Variants in TRDMT1 observed in about 807,000 individuals in gnomAD.
The protein encoded by TRDMT1 is tRNA (cytosine(38)-C(5))-methyltransferase.
In TRDMT1, 49 loss-of-function variants were observed where a neutral mutation model predicts 51.2. That is an observed-to-expected ratio of 0.96 (90% CI 0.76 to 1.21). TRDMT1 has a LOEUF of 1.21. TRDMT1 is among the 50% of genes most tolerant of loss of function. TRDMT1 has a pLI of 0.00. For synonymous variants in TRDMT1, 187 were observed against 164.6 expected (o/e 1.14, Z -1.04); for missense variants, 534 against 462.3 (o/e 1.16, Z -1.42).
At chr10:17,179,807 A>G (rs1471018017) in intron 1 of TRDMT1, among the ~76,000 whole-genome samples, 1 of 151,850 alleles carries the variant, frequency 6.6e-6, no homozygotes, top group Non-Finnish European at 1.5e-5. Context: ...TAATCCCAAG[A>G]GACTAGCATT....
intron 3 of TRDMT1, 81 bp downstream of exon 3, chr10:17,168,760 T>C (rs1841560293): frequency 6.1e-6 from 6 of 978,050 alleles, no homozygotes; most frequent in Non-Finnish European, 9.2e-6. Flanking sequence ...CTTTCTTTTG[T>C]AAATTGCCCA....
At chr10:17,198,537 A>G (rs1297656936) in intron 1 of TRDMT1, among the ~76,000 whole-genome samples, 1 of 152,250 alleles carries the variant, frequency 6.6e-6, no homozygotes, top group African/African-American at 2.4e-5. Flanking sequence ...TCTAAGTGAA[A>G]TAAGCCAGAC....
chr10:17,153,769 A>C, intron 9 of TRDMT1, 133 bp from the exon 10 acceptor site: 1 of 850,682 alleles, frequency 1.2e-6, no homozygotes, highest in Non-Finnish European at 1.8e-6. Context: ...ACAGGGCAAA[A>C]TGGCTCTGTG....
Position 17,144,132 on chromosome 10 carries a change from T to G in TRDMT1, c.*4908A>C, listed in dbSNP as rs1215610244. ...GAGACCTGAGGACGGAACCTTCAGA[T>G]AAGTCAGCTCCAAGCCTCTGCTCTT... is the stretch of plus-strand genomic sequence containing the variant. On this transcript the variant is annotated 3_prime_UTR_variant, in exon 11 of 11. Transcript: ENST00000377799. 2 of 985,366 alleles carry G rather than the reference T, an allele frequency of 2.0e-6. No homozygotes were observed. The highest frequency in any genetic ancestry group is 2.4e-6 in the Non-Finnish European group (2 of 829,934). The allele number at this position is 985,366 out of a possible 1,614,324, so 61.0% of individuals were successfully genotyped here.
chr10:17,169,270 G>A (rs935605472), intron 2 of TRDMT1: 22 of 1,033,808 alleles, frequency 2.1e-5, no homozygotes, highest in Admixed American at 1.5e-4. Flanking sequence ...AATTGATAAC[G>A]TTCATGGAGA....
At chr10:17,194,576 GA>G (rs770364773) in intron 1 of TRDMT1, among the ~76,000 whole-genome samples, 7 of 152,048 alleles carry the variant, frequency 4.6e-5, no homozygotes, top group Non-Finnish European at 1.0e-4. Context: ...TAATCTTCAA[GA>G]AATGCAAATC....
At chr10:17,187,031 T>C (rs1048612068) in intron 1 of TRDMT1, among the ~76,000 whole-genome samples, 3 of 152,328 alleles carry the variant, frequency 2.0e-5, no homozygotes, top group African/African-American at 4.8e-5. Context: ...ATTAGCATCA[T>C]TGGTGAGTTT....
Position 17,162,247 on chromosome 10 carries a change from T to TTA in TRDMT1, c.252-11_252-10insTA, listed in dbSNP as rs1564283562. On this transcript the variant is annotated splice_polypyrimidine_tract_variant and intron_variant, in intron 3 of 10. Transcript: ENST00000377799. ...ACCCTGCCGGCCAATCCTAAAGGGG[T>TTA]AAAAAAAAAAAAAAACAAAAAAAAA... 3.7e-5 allele frequency: 50 copies of TTA among 1,352,422 alleles called. No homozygotes were observed. Among genetic ancestry groups the TTA allele is most frequent in the East Asian group, 7.6e-5 (3 of 39,446 alleles). The allele number at this position is 1,352,422 out of a possible 1,614,324, so 83.8% of individuals were successfully genotyped here.
chr10:17,177,832 T>C (rs891790303), intron 1 of TRDMT1, among the ~76,000 whole-genome samples: 8 of 152,050 alleles, frequency 5.3e-5, no homozygotes, highest in African/African-American at 1.2e-4. Flanking sequence ...TTGTTGGTAG[T>C]AGTGAAAAGC....
intron 3 of TRDMT1, among the ~76,000 whole-genome samples, chr10:17,166,495 T>C (rs1361608509): frequency 6.6e-6 from 1 of 152,238 alleles, no homozygotes; most frequent in South Asian, 2.1e-4. Context: ...GTTGTGCACA[T>C]GTACCCTAAA....
chr10:17,152,215 A>G, intron 10 of TRDMT1: 1 of 610,606 alleles, frequency 1.6e-6, no homozygotes. Context: ...TTTGTGACAT[A>G]AACTACAAGG....
rs1041557747 is a variant in TRDMT1 at position 17,201,567 on chromosome 10, T to C, written c.64+4A>G. 1.9e-6 allele frequency: 3 copies of C among 1,549,556 alleles called. No individual in the cohort carries two copies. Among genetic ancestry groups the C allele is most frequent in the Non-Finnish European group, 2.6e-6 (3 of 1,146,046 alleles). ...AGAGAGAGGGGTGCTAGATGGACTC[T>C]CACCTCTCAGCGCGTGGTGCATGCC... On this transcript the variant is annotated splice_donor_region_variant and intron_variant, in intron 1 of 10. Coordinates refer to ENST00000377799, the MANE Select transcript of TRDMT1 (RefSeq NM_004412.7).
At position 17,184,871 on chromosome 10, in the gene TRDMT1, TTTTTA is replaced by T. The variant is rs200387209; in HGVS notation, c.65-10216_65-10212del. ...TATCTTAGGGACAGTCTTATGGAATTTTTTATTTTGTGTGTGTGTTCATACGTCCT... is the reference window on the plus strand; with the variant it reads ...TATCTTAGGGACAGTCTTATGGAATTTTTTGTGTGTGTGTTCATACGTCCT... On this transcript the variant is annotated intron_variant, in intron 1 of 10. Transcript: ENST00000377799. Among the ~76,000 whole-genome samples, 1,433 of 152,294 alleles carry T rather than the reference TTTTTA, an allele frequency of 9.4e-3. 28 individuals are homozygous for T. Among genetic ancestry groups the T allele is most frequent in the African/African-American group, 0.032 (1,340 of 41,546 alleles).
rs1485935597 is a variant in TRDMT1 at position 17,139,499 on chromosome 10, C to G, written c.*9541G>C. Reference sequence around the variant, plus strand: ...ACCACCGATGGGGGGAAGAAAAAAACAGTTTGGTTCTCTTCTGGGAAGGAA... The same window carrying G: ...ACCACCGATGGGGGGAAGAAAAAAAGAGTTTGGTTCTCTTCTGGGAAGGAA... On this transcript the variant is annotated 3_prime_UTR_variant, in exon 11 of 11. Transcript: ENST00000377799. 6.6e-6 allele frequency among the ~76,000 whole-genome samples: 1 copy of G among 151,894 alleles called. No individual in the cohort carries two copies. Among genetic ancestry groups the G allele is most frequent in the Non-Finnish European group, 1.5e-5 (1 of 67,968 alleles).
intron 8 of TRDMT1, among the ~76,000 whole-genome samples, chr10:17,156,833 G>A (rs1839587546): frequency 6.6e-6 from 1 of 152,092 alleles, no homozygotes; most frequent in Non-Finnish European, 1.5e-5. Flanking sequence ...TACACTTTCA[G>A]ATACAATACC....
In TRDMT1 at chr10:17,146,143, T is replaced by G. The variant is rs773021110; in HGVS notation, c.*2897A>C. 9 of 985,424 alleles carry G rather than the reference T, an allele frequency of 9.1e-6. No homozygotes were observed. The highest frequency in any genetic ancestry group is 1.1e-5 in the Non-Finnish European group (9 of 829,932). The allele number at this position is 985,424 out of a possible 1,614,324, so 61.0% of individuals were successfully genotyped here. A position where few individuals can be genotyped will look rare whatever the true frequency, so the allele number is the denominator to read the frequency against. ...TAAATAACTTTACCTCTTTGAAAAG[T>G]TGGATAATTTCAAGCAACAGTTTAC... is the stretch of plus-strand genomic sequence containing the variant. On this transcript the variant is annotated 3_prime_UTR_variant, in exon 11 of 11. Coordinates refer to ENST00000377799, the MANE Select transcript of TRDMT1 (RefSeq NM_004412.7).
chr10:17,175,881 T>C (rs1191907436), intron 1 of TRDMT1, among the ~76,000 whole-genome samples: 2 of 152,132 alleles, frequency 1.3e-5, no homozygotes, highest in Non-Finnish European at 2.9e-5. Context: ...AAATGGCTGC[T>C]AGGCTCAAGA....
chr10:17,195,462 G>A (rs1357714815), intron 1 of TRDMT1, among the ~76,000 whole-genome samples: 1 of 152,130 alleles, frequency 6.6e-6, no homozygotes, highest in Non-Finnish European at 1.5e-5. Flanking sequence ...AGAGAGAGAA[G>A]GGGGGCAGCA....
chr10:17,196,173 G>A (rs1845403038), intron 1 of TRDMT1, among the ~76,000 whole-genome samples: 1 of 152,212 alleles, frequency 6.6e-6, no homozygotes, highest in South Asian at 2.1e-4. Context: ...CGTGACAAAT[G>A]AGATGCTTAG....
Sources: allele counts gnomAD v4.1 joint callset (sites outside exome capture counted in the v4.1 genomes callset), GRCh38; gene constraint gnomAD v4.1.1; transcripts MANE v1.5; gene names NCBI Gene and HGNC (gene_info 2026-07-23, HGNC 2026-07-21).